The following EYA1 variants were observed in gnomAD, a reference collection of about 807,000 sequenced individuals.
EYA1 encodes the protein protein phosphatase EYA1.
A neutral mutation model predicts 82.0 loss-of-function variants in EYA1; 16 were observed. That is an observed-to-expected ratio of 0.20 (90% CI 0.13 to 0.30). The LOEUF is 0.30. Ranked by LOEUF, EYA1 falls within the 10% of genes least tolerant of loss-of-function variation. EYA1 has a pLI of 1.00. For synonymous variants in EYA1, 261 were observed against 264.4 expected, an observed-to-expected ratio of 0.99 and a Z score of 0.12; for missense variants, 633 against 730.7, an observed-to-expected ratio of 0.87 and a Z score of 1.54.
At chr8:71,259,856 A>T (rs1586047625) in intron 11 of EYA1, among the ~76,000 whole-genome samples, 1 of 152,344 alleles carries the variant, frequency 6.6e-6, no homozygotes, top group South Asian at 2.1e-4. Flanking sequence ...TAACCATGAA[A>T]GTATCTCTCC....
chr8:71,441,126 G>T (rs1003582503), intron 2 of EYA1, among the ~76,000 whole-genome samples: 1 of 152,128 alleles, frequency 6.6e-6, no homozygotes, highest in African/African-American at 2.4e-5. Flanking sequence ...TTGAGAAATT[G>T]TAACATAATA....
At chr8:71,289,218 G>A (rs1818739781) in intron 9 of EYA1, among the ~76,000 whole-genome samples, 1 of 152,164 alleles carries the variant, frequency 6.6e-6, no homozygotes, top group Non-Finnish European at 1.5e-5. Context: ...AGGATACAGG[G>A]GAAGCACGGA....
At chr8:71,504,842 C>T (rs1489881575) in intron 2 of EYA1, among the ~76,000 whole-genome samples, 1 of 152,190 alleles carries the variant, frequency 6.6e-6, no homozygotes, top group Non-Finnish European at 1.5e-5. Flanking sequence ...CCCTCTGCCC[C>T]CTAGGCTAGA....
intron 2 of EYA1, among the ~76,000 whole-genome samples, chr8:71,486,001 A>T (rs1427866168): frequency 6.6e-6 from 1 of 152,186 alleles, no homozygotes; most frequent in Non-Finnish European, 1.5e-5. Context: ...GGATCTCAGA[A>T]ATAGAGTTTA....
intron 1 of EYA1, among the ~76,000 whole-genome samples, chr8:71,359,981 G>A (rs1037446878): frequency 6.6e-6 from 1 of 151,848 alleles, no homozygotes; most frequent in East Asian, 1.9e-4. Context: ...CTCCAACTAT[G>A]GCATCATTGT....
intron 3 of EYA1, among the ~76,000 whole-genome samples, chr8:71,334,687 G>A (rs1297669008): frequency 6.6e-6 from 1 of 152,132 alleles, no homozygotes; most frequent in African/African-American, 2.4e-5. Context: ...AAAAAACCAA[G>A]GGCTTGATTT....
At chr8:71,200,496 T>TCACATAC (rs1179937065) in intron 17 of EYA1, among the ~76,000 whole-genome samples, 2 of 152,214 alleles carry the variant, frequency 1.3e-5, no homozygotes, top group Admixed American at 1.3e-4. Flanking sequence ...TCTGTTGAAA[T>TCACATAC]CACATACCAC....
intron 12 of EYA1, among the ~76,000 whole-genome samples, chr8:71,235,757 G>A (rs75129048): frequency 1.3e-5 from 2 of 152,060 alleles, no homozygotes; most frequent in Non-Finnish European, 2.9e-5. Flanking sequence ...ATTGAATGAC[G>A]GAAAGAAATG....
At chr8:71,381,688 C>T (rs537872078) in intron 2 of EYA1, among the ~76,000 whole-genome samples, 3 of 152,304 alleles carry the variant, frequency 2.0e-5, no homozygotes, top group East Asian at 3.9e-4. Flanking sequence ...TGCAGACACA[C>T]GGAAGTGTGC....
At chr8:71,499,620 TG>T (rs1037453660) in intron 2 of EYA1, among the ~76,000 whole-genome samples, 1 of 152,132 alleles carries the variant, frequency 6.6e-6, no homozygotes, top group Admixed American at 6.5e-5. Flanking sequence ...TTTGCAGGAA[TG>T]GGGGTGGGTT....
intron 2 of EYA1, among the ~76,000 whole-genome samples, chr8:71,523,172 TC>T (rs1813536460): frequency 2.4e-5 from 3 of 126,816 alleles, no homozygotes; most frequent in East Asian, 3.5e-4. Flanking sequence ...TTTTCTTTTT[TC>T]TTTTTCTTTT....
chr8:71,239,534 G>T (rs1445803911), intron 12 of EYA1, among the ~76,000 whole-genome samples: 1 of 152,220 alleles, frequency 6.6e-6, no homozygotes, highest in African/African-American at 2.4e-5. Flanking sequence ...TGCTGAATTT[G>T]TCAGGAGAAA....
chr8:71,332,826 A>G (rs1482111441), intron 4 of EYA1, among the ~76,000 whole-genome samples: 3 of 152,148 alleles, frequency 2.0e-5, no homozygotes, highest in Non-Finnish European at 4.4e-5. Context: ...ACCCTGAACC[A>G]TTAACAGTTC....
chr8:71,473,167 A>G (rs1002883434), intron 2 of EYA1, among the ~76,000 whole-genome samples: 10 of 152,024 alleles, frequency 6.6e-5, no homozygotes, highest in African/African-American at 2.4e-4. Flanking sequence ...TCAAACACCA[A>G]AAAGCAATGG....
chr8:71,234,458 C>T (rs1186443375), intron 12 of EYA1, among the ~76,000 whole-genome samples: 1 of 152,158 alleles, frequency 6.6e-6, no homozygotes, highest in Non-Finnish European at 1.5e-5. Context: ...GGGTCATTAA[C>T]AGCCAACATT....
chr8:71,457,581 A>T (rs1808041304), intron 2 of EYA1, among the ~76,000 whole-genome samples: 1 of 152,254 alleles, frequency 6.6e-6, no homozygotes, highest in Non-Finnish European at 1.5e-5. Flanking sequence ...CTATGCAGCC[A>T]TAAAAAATGA....
chr8:71,462,898 C>T (rs986089372), intron 2 of EYA1, among the ~76,000 whole-genome samples: 2 of 152,136 alleles, frequency 1.3e-5, no homozygotes, highest in African/African-American at 2.4e-5. Flanking sequence ...CCACTGCAGC[C>T]AGCGTGATGG....
Position 71,334,192 on chromosome 8 carries a change from A to G in EYA1, c.125-18T>C, listed in dbSNP as rs764579303. 8 of 1,543,088 alleles carry G rather than the reference A, an allele frequency of 5.2e-6. No homozygotes were observed. Among genetic ancestry groups the G allele is most frequent in the African/African-American group, 1.4e-5 (1 of 73,558 alleles). The stretch of plus-strand genomic sequence containing the variant: ...TGTTTTAACTACAAAAATAAACAAC[A>G]TACATCGATATTGAATTAATAGTTA... On this transcript the variant is annotated intron_variant, in intron 3 of 17. Transcript: ENST00000340726.
chr8:71,515,337 C>T (rs1189011326), intron 2 of EYA1, among the ~76,000 whole-genome samples: 1 of 152,028 alleles, frequency 6.6e-6, no homozygotes. Flanking sequence ...CTAGTCTCTC[C>T]AGTTCTCTGC....
Sources: gnomAD v4.1 joint callset for allele counts (sites outside exome capture counted in the v4.1 genomes callset) on GRCh38, gnomAD v4.1.1 for gene constraint, MANE v1.5 for transcripts, NCBI Gene and HGNC (gene_info 2026-07-23, HGNC 2026-07-21) for gene names.